The following ITGA11 variants were observed in gnomAD, a reference collection of about 807,000 sequenced individuals.
The protein encoded by ITGA11 is integrin subunit alpha 11.
A neutral mutation model predicts 141.9 loss-of-function variants in ITGA11; 97 were observed. The ratio of observed to expected loss-of-function variants is 0.68; its 90% CI spans 0.58 to 0.81. The LOEUF (loss-of-function observed/expected upper bound fraction) is 0.81. Ranked by LOEUF, ITGA11 falls within the 30% of genes least tolerant of loss-of-function variation. ITGA11 has a pLI of 0.00. For synonymous variants in ITGA11, 658 were observed against 624.6 expected (o/e 1.05, Z -0.80); for missense variants, 1,387 against 1,559.2 (o/e 0.89, Z 1.86).
In ITGA11 at chr15:68,300,283, G is replaced by A. The variant is rs1892998084; in HGVS notation, c.*2776C>T. On this transcript the variant is annotated 3_prime_UTR_variant, in exon 30 of 30. Transcript: ENST00000315757. ...GAGATCATCTGCTTTATGAGGCACA[G>A]TGGGCTTGGGCACAACCCCCTCTTT... 1 of 152,218 alleles carries A rather than the reference G, an allele frequency of 6.6e-6. No homozygotes were observed. The highest frequency in any genetic ancestry group is 2.4e-5 in the African/African-American group (1 of 41,454). 9.4% of individuals were successfully genotyped at this position (152,218 alleles called of 1,614,324 possible).
chr15:68,422,951 ATCTCT>A (rs1164729543), intron 1 of ITGA11, among the ~76,000 whole-genome samples: 1 of 152,220 alleles, frequency 6.6e-6, no homozygotes, highest in Non-Finnish European at 1.5e-5. Context: ...GGCAGGAGTT[ATCTCT>A]TCTCATCTTT....
At chr15:68,358,955 G>T (rs1274867155) in intron 5 of ITGA11, among the ~76,000 whole-genome samples, 1 of 152,188 alleles carries the variant, frequency 6.6e-6, no homozygotes, top group Non-Finnish European at 1.5e-5. Flanking sequence ...ACCACTTTCA[G>T]CCCAAATGAA....
chr15:68,386,465 G>A (rs906859048), intron 2 of ITGA11, among the ~76,000 whole-genome samples: 4 of 152,272 alleles, frequency 2.6e-5, no homozygotes, highest in South Asian at 2.1e-4. Flanking sequence ...TCAAAGAGGC[G>A]GGAAGGCTGC....
At position 68,402,994 on chromosome 15, in the gene ITGA11, G is replaced by T; in HGVS notation, c.88C>A (p.Pro30Thr). ...TDTFNMDTRK[P>T]RVIPGSRTAF... is the part of the protein sequence containing the mutation. ...GTCCTGGAGCCAGGGATGACCCGGG[G>T]CTTCCTGGTGTCCATGTTGAAGGTG... is the stretch of plus-strand genomic sequence containing the variant. The change falls in exon 2 of 30, where the codon CCC (proline) becomes ACC (threonine). Residue 30 changes from proline to threonine, a missense_variant. Physicochemically the swap from Pro to Thr is conservative, Grantham distance 38 (BLOSUM62 -1). Coordinates refer to ENST00000315757, the MANE Select transcript of ITGA11 (RefSeq NM_001004439.2). 1 of 1,613,558 alleles carries T rather than the reference G, an allele frequency of 6.2e-7. No homozygotes were observed. Among genetic ancestry groups the T allele is most frequent in the Non-Finnish European group, 8.5e-7 (1 of 1,179,674 alleles).
intron 7 of ITGA11, 33 bp from the exon 8 acceptor site, chr15:68,351,435 A>G (rs1894909802): frequency 6.2e-7 from 1 of 1,610,048 alleles, no homozygotes; most frequent in Non-Finnish European, 8.5e-7. Context: ...GGGTCATGAA[A>G]GGTAAGTGGG....
rs535731922 is a variant in ITGA11, at chr15:68,396,917, T to A, written c.164+6001A>T. Among the ~76,000 whole-genome samples, 34 of 87,974 alleles carry A rather than the reference T, an allele frequency of 3.9e-4. 1 individual carries two copies. Among genetic ancestry groups the A allele is most frequent in the Middle Eastern group, 0.014 (1 of 74 alleles). 57.7% of individuals were successfully genotyped at this position (87,974 alleles called of 152,430 possible). A position where few individuals can be genotyped will look rare whatever the true frequency, so the allele number is the denominator to read the frequency against. Reference sequence around the variant, plus strand: ...TATTACAATATGATTTATTATATATTATTTATTATATAATATATAATATAT... The same window carrying A: ...TATTACAATATGATTTATTATATATAATTTATTATATAATATATAATATAT... On this transcript the variant is annotated intron_variant, in intron 2 of 29. Coordinates refer to ENST00000315757, the MANE Select transcript of ITGA11 (RefSeq NM_001004439.2).
intron 2 of ITGA11, among the ~76,000 whole-genome samples, chr15:68,394,602 A>G (rs1896189217): frequency 1.3e-5 from 2 of 152,110 alleles, no homozygotes; most frequent in Admixed American, 1.3e-4. Flanking sequence ...AAACCAATGA[A>G]TGAGAAATCA....
Position 68,328,870 on chromosome 15 carries a change from C to T in ITGA11, c.1902-608G>A, listed in dbSNP as rs977898679. Among the ~76,000 whole-genome samples the T allele has an allele frequency of 2.0e-5, 3 of 152,176 alleles. No homozygotes were observed. Among genetic ancestry groups the T allele is most frequent in the African/African-American group, 7.2e-5 (3 of 41,424 alleles). On this transcript the variant is annotated intron_variant, in intron 15 of 29. Coordinates refer to ENST00000315757, the MANE Select transcript of ITGA11 (RefSeq NM_001004439.2). The surrounding 1 kb of genome is among the most constrained non-coding windows in gnomAD (Gnocchi z 4.8). ...GGCGTTAAAGCACCCCAGGTGATTC[C>T]AACGTGCAGCCAGCATCCATCTAAC...
intron 1 of ITGA11, among the ~76,000 whole-genome samples, chr15:68,419,189 A>T (rs899221475): frequency 6.6e-6 from 1 of 152,038 alleles, no homozygotes; most frequent in Non-Finnish European, 1.5e-5. Flanking sequence ...TGGGGAGTGG[A>T]AGTGTTTTTG....
rs955945468 is a variant in ITGA11 at position 68,331,933 on chromosome 15, G to A, written c.1696C>T (p.Leu566=). 1.9e-6 allele frequency: 3 copies of A among 1,613,366 alleles called. No homozygotes were observed. Among genetic ancestry groups the A allele is most frequent in the Non-Finnish European group, 2.5e-6 (3 of 1,179,714 alleles). The change falls in exon 14 of 30, where the codon CTG becomes TTG. Residue 566 remains leucine (L), a synonymous_variant. Coordinates refer to ENST00000315757, the MANE Select transcript of ITGA11 (RefSeq NM_001004439.2). ...ATGGCTCCTGCGTGGTTGTCCTCCA[G>A]GGGGGCTCCCACCACCACGTCATTG... is the stretch of plus-strand genomic sequence containing the variant. ...SYNDVVVGAP[L]EDNHAGAIYI...
At position 68,302,115 on chromosome 15, in the gene ITGA11, T is replaced by TGTGTGTGTGTGTGTGTGTGTG. The variant is rs1555444826; in HGVS notation, c.*943_*944insCACACACACACACACACACAC. ...GTGTGTGTGTGTGTGTGTGTGTGTG[T>TGTGTGTGTGTGTGTGTGTGTG]AGGGAGGGGGTGATACAGGGAGGGG... On this transcript the variant is annotated 3_prime_UTR_variant, in exon 30 of 30. Transcript: ENST00000315757. 1 of 133,242 alleles carries TGTGTGTGTGTGTGTGTGTGTG rather than the reference T, an allele frequency of 7.5e-6. No individual in the cohort carries two copies. Among genetic ancestry groups the TGTGTGTGTGTGTGTGTGTGTG allele is most frequent in the African/African-American group, 2.8e-5 (1 of 35,650 alleles). The allele number at this position is 133,242 out of a possible 1,614,324, so 8.3% of individuals were successfully genotyped here. A position where few individuals can be genotyped will look rare whatever the true frequency, so the allele number is the denominator to read the frequency against.
chr15:68,370,458 A>G (rs1324274257), intron 2 of ITGA11, among the ~76,000 whole-genome samples: 2 of 151,938 alleles, frequency 1.3e-5, no homozygotes, highest in African/African-American at 4.8e-5. Context: ...CTCATCTCTC[A>G]CCCACCAGAG....
At chr15:68,375,928 C>G (rs753667185) in intron 2 of ITGA11, among the ~76,000 whole-genome samples, 1 of 152,108 alleles carries the variant, frequency 6.6e-6, no homozygotes, top group Non-Finnish European at 1.5e-5. Flanking sequence ...TCCAATCAGT[C>G]GAAGGGCAGA....
chr15:68,339,699 G>A, intron 10 of ITGA11, 55 bp from the exon 11 acceptor site: 1 of 1,604,546 alleles, frequency 6.2e-7, no homozygotes, highest in Non-Finnish European at 8.5e-7. Context: ...CCAGTTGCCA[G>A]GAGCCACATC....
At chr15:68,355,452 T>C (rs1004418047) in intron 7 of ITGA11, among the ~76,000 whole-genome samples, 1 of 152,030 alleles carries the variant, frequency 6.6e-6, no homozygotes, top group African/African-American at 2.4e-5. Context: ...TTTTTCTTTT[T>C]TTCTTTTTTT....
intron 1 of ITGA11, among the ~76,000 whole-genome samples, chr15:68,429,600 C>T (rs576333803): frequency 1.3e-5 from 2 of 152,274 alleles, no homozygotes; most frequent in African/African-American, 4.8e-5. Context: ...AGCCAAACTG[C>T]CATCACCAGT....
chr15:68,338,649 G>T (rs926226543), intron 11 of ITGA11, among the ~76,000 whole-genome samples: 1 of 152,216 alleles, frequency 6.6e-6, no homozygotes, highest in African/African-American at 2.4e-5. Flanking sequence ...CATAGGCAGG[G>T]TATTGGCTAA....
chr15:68,427,004 G>C (rs1441635252), intron 1 of ITGA11, among the ~76,000 whole-genome samples: 2 of 91,900 alleles, frequency 2.2e-5, no homozygotes, highest in East Asian at 7.4e-4. Context: ...GACAGAGCAA[G>C]ACTGTCTCAA....
At chr15:68,419,209 G>A (rs1896960607) in intron 1 of ITGA11, among the ~76,000 whole-genome samples, 1 of 152,154 alleles carries the variant, frequency 6.6e-6, no homozygotes, top group East Asian at 1.9e-4. Flanking sequence ...GTTCTCTGAG[G>A]GTTATGCAGA....
Sources: gnomAD v4.1 joint callset for allele counts (sites outside exome capture counted in the v4.1 genomes callset) on GRCh38, gnomAD v4.1.1 for gene constraint, Gnocchi (gnomAD v3.1) non-coding constraint, MANE v1.5 for transcripts, NCBI Gene and HGNC (gene_info 2026-07-23, HGNC 2026-07-21) for gene names.